SYK: variants seen among roughly 807,000 people sequenced by gnomAD.
The protein encoded by SYK is tyrosine-protein kinase SYK.
SYK carries 16 observed loss-of-function variants against 77.8 expected under a neutral mutation model. The ratio of observed to expected loss-of-function variants is 0.21; its 90% CI spans 0.14 to 0.31. The LOEUF (loss-of-function observed/expected upper bound fraction) is 0.31, where lower values mean the gene tolerates loss of function less well. SYK is among the 10% of genes least tolerant of loss of function. The pLI, the probability that SYK is intolerant of heterozygous loss-of-function variation, is 1.00. For synonymous variants in SYK, 312 were observed against 308.7 expected (o/e 1.01, Z -0.11); for missense variants, 529 against 814.4 (o/e 0.65, Z 4.26).
rs147347882 is a variant in SYK, at chr9:90,845,523, C to T, written c.507C>T (p.Phe169=). ...ATTAHEKMPW[F]HGKISREESE... The stretch of plus-strand genomic sequence containing the variant: ...CAGCCCATGAAAAAATGCCTTGGTT[C>T]CATGGAAAAATCTCTCGGGAAGAAT... Residue 169 remains phenylalanine, a synonymous_variant, in exon 3 of 14, where the codon TTC becomes TTT. Transcript: ENST00000375754. The T allele has an allele frequency of 1.4e-4, 231 of 1,614,162 alleles. 2 individuals are homozygous for T. In the African/African-American group the frequency reaches 2.5e-3, roughly 17 times the overall value.
intron 1 of SYK, among the ~76,000 whole-genome samples, chr9:90,809,834 C>T (rs1825009536): frequency 6.6e-6 from 1 of 152,118 alleles, no homozygotes; most frequent in Non-Finnish European, 1.5e-5. Context: ...CTGCTGCTCT[C>T]TGCTTGTGTT....
intron 1 of SYK, among the ~76,000 whole-genome samples, chr9:90,823,770 G>C (rs559880275): frequency 6.6e-6 from 1 of 151,980 alleles, no homozygotes; most frequent in African/African-American, 2.4e-5. Flanking sequence ...GAAATTTATA[G>C]AACTAAGTGC....
chr9:90,889,693 G>A (rs966750767), intron 13 of SYK, among the ~76,000 whole-genome samples: 3 of 152,248 alleles, frequency 2.0e-5, no homozygotes, highest in Non-Finnish European at 4.4e-5. Context: ...CGTGGCTCAG[G>A]AGAGGAGCCT....
chr9:90,881,743 G>A (rs981073825), intron 11 of SYK, among the ~76,000 whole-genome samples: 4 of 151,252 alleles, frequency 2.6e-5, no homozygotes, highest in African/African-American at 7.3e-5. Flanking sequence ...GGAAGCAAAC[G>A]AACGCTGGCA....
At chr9:90,812,730 C>T (rs1033243647) in intron 1 of SYK, among the ~76,000 whole-genome samples, 2 of 136,628 alleles carry the variant, frequency 1.5e-5, no homozygotes, top group African/African-American at 5.5e-5. Context: ...AGTGGCTCCT[C>T]CCCATTTGAT....
At chr9:90,870,091 ACT>A (rs1000074552) in intron 7 of SYK, among the ~76,000 whole-genome samples, 4 of 152,160 alleles carry the variant, frequency 2.6e-5, no homozygotes, top group Non-Finnish European at 4.4e-5. Flanking sequence ...ACAGAGCAAG[ACT>A]CTGTCTCAAA....
intron 13 of SYK, among the ~76,000 whole-genome samples, chr9:90,888,955 G>T (rs953790804): frequency 4.6e-5 from 7 of 152,084 alleles, no homozygotes; most frequent in African/African-American, 1.7e-4. Context: ...TGCCATTTTT[G>T]GCATAGAGGA....
intron 3 of SYK, among the ~76,000 whole-genome samples, chr9:90,850,237 G>C (rs952718634): frequency 6.6e-6 from 1 of 152,194 alleles, no homozygotes; most frequent in Non-Finnish European, 1.5e-5. Context: ...TAATTATTTC[G>C]GCCGGGCATG....
intron 13 of SYK, among the ~76,000 whole-genome samples, chr9:90,891,523 T>A (rs1195094766): frequency 6.6e-6 from 1 of 152,144 alleles, no homozygotes; most frequent in Non-Finnish European, 1.5e-5. Flanking sequence ...GGCATTTACC[T>A]ATGTGAGCTT....
chr9:90,830,802 G>A (rs1825859180), intron 1 of SYK, among the ~76,000 whole-genome samples: 1 of 151,878 alleles, frequency 6.6e-6, no homozygotes, highest in African/African-American at 2.4e-5. Context: ...AGCCAGGATG[G>A]TCTCAATCTC....
At chr9:90,887,234 A>C (rs1828611588) in intron 11 of SYK, among the ~76,000 whole-genome samples, 1 of 152,144 alleles carries the variant, frequency 6.6e-6, no homozygotes. Context: ...TGCATATTGT[A>C]GTGAATTCCC....
At chr9:90,841,165 TTG>T (rs1020864033) in intron 1 of SYK, among the ~76,000 whole-genome samples, 5 of 145,532 alleles carry the variant, frequency 3.4e-5, no homozygotes, top group South Asian at 2.2e-4. Context: ...GTGGTGTGGT[TTG>T]TGTGTGTTTT....
intron 13 of SYK, among the ~76,000 whole-genome samples, chr9:90,891,819 T>C (rs1042752515): frequency 3.9e-5 from 6 of 152,150 alleles, no homozygotes; most frequent in Admixed American, 1.3e-4. Flanking sequence ...GGCTATTGCT[T>C]GAGGCCCTCC....
At chr9:90,852,658 A>G (rs1199410298) in intron 3 of SYK, among the ~76,000 whole-genome samples, 2 of 152,258 alleles carry the variant, frequency 1.3e-5, no homozygotes, top group African/African-American at 2.4e-5. Context: ...AATGTTAAAA[A>G]TAAAAGGTAG....
chr9:90,825,040 G>A (rs1825625607), intron 1 of SYK, among the ~76,000 whole-genome samples: 1 of 150,790 alleles, frequency 6.6e-6, no homozygotes, highest in Non-Finnish European at 1.5e-5. Flanking sequence ...ACAAAAGTCG[G>A]TTGCTTTCCT....
At position 90,895,492 on chromosome 9, in the gene SYK, A is replaced by T. The variant is rs199610949; in HGVS notation, c.1836-36A>T. On this transcript the variant is annotated intron_variant, in intron 13 of 13. Transcript: ENST00000375754. The surrounding 1 kb of genome is among the most constrained non-coding windows in gnomAD (Gnocchi z 4.4). ...TTGTGATCAGCAATTTTTCACAAGC[A>T]CATTGACAAACAAGAATGCATCTCT... 8.7e-6 allele frequency: 14 copies of T among 1,611,286 alleles called. No individual in the cohort carries two copies. The Admixed American group carries it at 1.3e-4, about 15-fold the overall frequency.
chr9:90,804,804 G>A (rs772827830), intron 1 of SYK, among the ~76,000 whole-genome samples: 11 of 152,094 alleles, frequency 7.2e-5, no homozygotes, highest in Non-Finnish European at 1.6e-4. Context: ...AGGAAAAAAG[G>A]GTTTTCTACT....
Position 90,850,553 on chromosome 9 carries a change from A to G in SYK, c.578+4959A>G, listed in dbSNP as rs552892956. 3.0e-3 allele frequency among the ~76,000 whole-genome samples: 455 copies of G among 152,012 alleles called. 1 individual carries two copies. Among genetic ancestry groups the G allele is most frequent in the African/African-American group, 0.011 (436 of 41,474 alleles). Reference sequence around the variant, plus strand: ...TATTATTATTATTATTATTTCACAGAGGGGGTTGGAAGTTTATTTTTGCAT... The same window carrying G: ...TATTATTATTATTATTATTTCACAGGGGGGGTTGGAAGTTTATTTTTGCAT... On this transcript the variant is annotated intron_variant, in intron 3 of 13. Transcript: ENST00000375754.
At chr9:90,882,412 A>G (rs973868222) in intron 11 of SYK, among the ~76,000 whole-genome samples, 9 of 152,222 alleles carry the variant, frequency 5.9e-5, no homozygotes, top group Admixed American at 3.3e-4. Flanking sequence ...ATCAGTTTTC[A>G]CTGAAATCAT....
Sources: allele counts gnomAD v4.1 joint callset (sites outside exome capture counted in the v4.1 genomes callset), GRCh38; gene constraint gnomAD v4.1.1; non-coding constraint Gnocchi (gnomAD v3.1); transcripts MANE v1.5; gene names NCBI Gene and HGNC (gene_info 2026-07-23, HGNC 2026-07-21).